Variants in VAV2 observed in about 807,000 individuals in gnomAD.
The protein encoded by VAV2 is vav guanine nucleotide exchange factor 2, also known as guanine nucleotide exchange factor VAV2.
VAV2 carries 67 observed loss-of-function variants against 132.5 expected under a neutral mutation model. That is an observed-to-expected ratio of 0.51 (90% CI 0.42 to 0.62). VAV2 has a LOEUF of 0.62. Ranked by LOEUF, VAV2 falls within the 20% of genes least tolerant of loss-of-function variation. The pLI, the probability that VAV2 is intolerant of heterozygous loss-of-function variation, is 0.00. For synonymous variants in VAV2, 492 were observed against 443.5 expected (o/e 1.11, Z -1.37); for missense variants, 938 against 1,153.6 (o/e 0.81, Z 2.71).
At chr9:133,898,516 C>T (rs1461357287) in intron 2 of VAV2, among the ~76,000 whole-genome samples, 1 of 151,980 alleles carries the variant, frequency 6.6e-6, no homozygotes, top group Non-Finnish European at 1.5e-5. Context: ...ATCACTTGAA[C>T]CCAGAAGGCA....
intron 1 of VAV2, among the ~76,000 whole-genome samples, chr9:133,967,951 A>C (rs1016078738): frequency 5.4e-5 from 8 of 147,950 alleles, no homozygotes; most frequent in African/African-American, 9.9e-5. Context: ...AAAAAAAAAA[A>C]AAAAAACCTA....
chr9:133,848,993 T>C (rs1398007827), intron 3 of VAV2, among the ~76,000 whole-genome samples: 2 of 152,224 alleles, frequency 1.3e-5, no homozygotes, highest in Non-Finnish European at 2.9e-5. Context: ...ACATGATGTG[T>C]CTTTTCTTCT....
At chr9:133,964,071 A>ATATG (rs1165944793) in intron 1 of VAV2, among the ~76,000 whole-genome samples, 1 of 136,930 alleles carries the variant, frequency 7.3e-6, no homozygotes, top group Non-Finnish European at 1.5e-5. Context: ...ATATATATAA[A>ATATG]TGAATAGGCC....
chr9:133,844,886 G>A (rs532333879), intron 3 of VAV2, among the ~76,000 whole-genome samples: 20 of 152,334 alleles, frequency 1.3e-4, no homozygotes, highest in African/African-American at 4.3e-4. Flanking sequence ...TGTGCCCGAC[G>A]GTGCCCATGA....
In VAV2 at chr9:133,883,774, CT is replaced by C. The variant is rs901086787; in HGVS notation, c.322-22343del. On this transcript the variant is annotated intron_variant, in intron 2 of 29. Coordinates refer to ENST00000371850, the MANE Select transcript of VAV2 (RefSeq NM_001134398.2). The surrounding 1 kb of genome is among the most constrained non-coding windows in gnomAD (Gnocchi z 4.2). ...GAAGCCCTCCCGGGATCCAGTGCCA[CT>C]GTGAGGCTCAAGTACACCCCAAAAC... Among the ~76,000 whole-genome samples, 1 of 152,200 alleles carries C rather than the reference CT, an allele frequency of 6.6e-6. No homozygotes were observed. The highest frequency in any genetic ancestry group is 1.5e-5 in the Non-Finnish European group (1 of 68,046).
chr9:133,803,931 A>C (rs1246643225), intron 9 of VAV2, among the ~76,000 whole-genome samples: 2 of 150,204 alleles, frequency 1.3e-5, no homozygotes, highest in African/African-American at 2.5e-5. Context: ...GCCTCGCCCC[A>C]CCCCTGCAGG....
intron 16 of VAV2, among the ~76,000 whole-genome samples, chr9:133,786,343 AGCTCTCCTGTGGGT>A (rs1317346437): frequency 0.015 from 2,206 of 152,062 alleles, 56 homozygotes; most frequent in African/African-American, 0.05. Context: ...ATGCTGTGTG[AGCTCTCCTGTGGGT>A]GCTCTCCTGT....
At chr9:133,941,019 C>A (rs1262735485) in intron 1 of VAV2, among the ~76,000 whole-genome samples, 1 of 151,634 alleles carries the variant, frequency 6.6e-6, no homozygotes, top group African/African-American at 2.4e-5. Context: ...CTGGTACAGT[C>A]CTCCAACAGA....
intron 1 of VAV2, among the ~76,000 whole-genome samples, chr9:133,958,296 G>A (rs1196370169): frequency 3.5e-5 from 5 of 140,870 alleles, no homozygotes; most frequent in Non-Finnish European, 4.8e-5. Flanking sequence ...GCAATGGAAT[G>A]TCTCGGTATA....
intron 2 of VAV2, among the ~76,000 whole-genome samples, chr9:133,917,152 A>G (rs998684163): frequency 6.6e-6 from 1 of 151,936 alleles, no homozygotes; most frequent in Non-Finnish European, 1.5e-5. Context: ...ATGACAGCCT[A>G]GCCCTAGAGC....
intron 19 of VAV2, among the ~76,000 whole-genome samples, chr9:133,783,191 C>T (rs1274263154): frequency 6.6e-6 from 1 of 152,120 alleles, no homozygotes; most frequent in Non-Finnish European, 1.5e-5. Context: ...ATGTTCTGTG[C>T]CGTGTTTGGG....
chr9:133,826,384 C>T lies in VAV2; in HGVS notation c.449+7888G>A, dbSNP rs12554082. On this transcript the variant is annotated intron_variant, in intron 4 of 29. Transcript: ENST00000371850. This position sits in a 1 kb window ranked among gnomAD's most constrained non-coding sequence, Gnocchi z 4.2. ...CGCTCGCACTCAGGGGCAGCTCTCC[C>T]TTCAAGGATGCTCCTGCTCAGATGC... Among the ~76,000 whole-genome samples, 1,249 of 152,328 alleles carry T rather than the reference C, an allele frequency of 8.2e-3. 30 individuals are homozygous for T. Among genetic ancestry groups the T allele is most frequent in the Admixed American group, 0.047 (725 of 15,296 alleles).
At chr9:133,812,245 AG>A in intron 4 of VAV2, 29 bp from the exon 5 acceptor site, 1 of 1,607,770 alleles carries the variant, frequency 6.2e-7, no homozygotes. Context: ...GTTAGAGGGG[AG>A]GGGAGGCTCC....
chr9:133,803,757 C>T (rs1284573760), intron 9 of VAV2, among the ~76,000 whole-genome samples: 1 of 152,230 alleles, frequency 6.6e-6, no homozygotes, highest in Non-Finnish European at 1.5e-5. Flanking sequence ...GTCACAAAGC[C>T]CTTCAGCAGC....
In VAV2 at chr9:133,810,868, C is replaced by T. The variant is rs573117226; in HGVS notation, c.553-663G>A. On this transcript the variant is annotated intron_variant, in intron 5 of 29. Transcript: ENST00000371850. ...ATCCCCCACACAACCTCACAGGCAA[C>T]GCAGCCACCTGCTGAAGTTTACCTG... Among the ~76,000 whole-genome samples, 115 of 152,366 alleles carry T rather than the reference C, an allele frequency of 7.5e-4. 3 individuals carry two copies. The Middle Eastern group carries it at 0.017, about 23-fold the overall frequency.
chr9:133,970,468 C>A (rs1031490226), intron 1 of VAV2, among the ~76,000 whole-genome samples: 1 of 152,144 alleles, frequency 6.6e-6, no homozygotes, highest in Non-Finnish European at 1.5e-5. Flanking sequence ...CCCCACAGCC[C>A]GTTCTACAGA....
At position 133,775,014 on chromosome 9, in the gene VAV2, G is replaced by T; in HGVS notation, c.2056C>A (p.Leu686Met). ...GTCCCGCTGGCGTGGGACTTGAGCA[G>T]GTTGTCCGTCTGCTGCCTCTCCATG... ...GNMERQQTDN[L>M]LKSHASGTYL... Residue 686 changes from leucine (L) to methionine (M), a missense_variant, in exon 25 of 30, where the codon CTG becomes ATG. Coordinates refer to ENST00000371850, the MANE Select transcript of VAV2 (RefSeq NM_001134398.2). 1.2e-6 allele frequency: 2 copies of T among 1,613,236 alleles called. No individual in the cohort carries two copies.
rs1018515569 is a variant in VAV2 at position 133,803,267 on chromosome 9, C to T, written c.836+2814G>A. ...TTCTGTTCTGCATTCCTCCCAAAAGCGCTCGTGCAAAGCTCCACAGAGAGC... is the reference window on the plus strand; with the variant it reads ...TTCTGTTCTGCATTCCTCCCAAAAGTGCTCGTGCAAAGCTCCACAGAGAGC... On this transcript the variant is annotated intron_variant, in intron 9 of 29. Transcript: ENST00000371850. Among the ~76,000 whole-genome samples, 8 of 152,332 alleles carry T rather than the reference C, an allele frequency of 5.3e-5. No individual in the cohort carries two copies. The South Asian group carries it at 6.2e-4, about 12-fold the overall frequency.
At chr9:133,983,965 CTG>C (rs1420242248) in intron 1 of VAV2, among the ~76,000 whole-genome samples, 1 of 152,132 alleles carries the variant, frequency 6.6e-6, no homozygotes, top group African/African-American at 2.4e-5. Context: ...TGCACTGTTT[CTG>C]TGAGTTTTTT....
Sources: allele counts gnomAD v4.1 joint callset (sites outside exome capture counted in the v4.1 genomes callset), GRCh38; gene constraint gnomAD v4.1.1; non-coding constraint Gnocchi (gnomAD v3.1); transcripts MANE v1.5; gene names NCBI Gene and HGNC (gene_info 2026-07-23, HGNC 2026-07-21).